The following FOXK2 variants were observed in gnomAD, a reference collection of about 807,000 sequenced individuals.
FOXK2 encodes the protein forkhead box K2.
A neutral mutation model predicts 53.3 loss-of-function variants in FOXK2; 24 were observed. The observed-to-expected ratio is 0.45, with a 90% CI of 0.33 to 0.63. The LOEUF (loss-of-function observed/expected upper bound fraction) is 0.63, where lower values mean the gene tolerates loss of function less well. FOXK2 is among the 30% of genes least tolerant of loss of function. FOXK2 has a pLI of 0.03. For missense variants in FOXK2, 952 were observed against 910.5 expected, an observed-to-expected ratio of 1.05 and a Z score of -0.59; for synonymous variants, 505 against 407.1, an observed-to-expected ratio of 1.24 and a Z score of -2.89.
At chr17:82,540,330 AT>A (rs1285494467) in intron 1 of FOXK2, among the ~76,000 whole-genome samples, 1 of 151,770 alleles carries the variant, frequency 6.6e-6, no homozygotes, top group Non-Finnish European at 1.5e-5. Flanking sequence ...CGCTTGAATG[AT>A]TTGGAGAATT....
chr17:82,526,807 G>A (rs1330852291), intron 1 of FOXK2, among the ~76,000 whole-genome samples: 2 of 151,188 alleles, frequency 1.3e-5, no homozygotes, highest in East Asian at 3.9e-4. Flanking sequence ...CTCCAACCTG[G>A]GCGACAGAGC....
At chr17:82,599,685 G>A (rs1466915952) in intron 8 of FOXK2, 2 of 152,274 alleles carry the variant, frequency 1.3e-5, no homozygotes, top group African/African-American at 4.8e-5. Flanking sequence ...TGGCCATGAG[G>A]AGCTGACCAC....
chr17:82,519,999 G>A lies in FOXK2; in HGVS notation c.111G>A (p.Val37=). Residue 37 remains valine (V), a synonymous_variant, in exon 1 of 9, where the codon GTG becomes GTA. Coordinates refer to ENST00000335255, the MANE Select transcript of FOXK2 (RefSeq NM_004514.4). The part of the protein sequence containing the change: ...GGGSPPGGWA[V]ARLEGREFEY... ...GGTCCCCGCCGGGCGGCTGGGCCGT[G>A]GCGCGCCTGGAGGGCCGCGAGTTCG... 6.9e-7 allele frequency: 1 copy of A among 1,444,196 alleles called. No homozygotes were observed. Among genetic ancestry groups the A allele is most frequent in the Non-Finnish European group, 9.2e-7 (1 of 1,092,676 alleles). The allele number at this position is 1,444,196 out of a possible 1,614,324, so 89.5% of individuals were successfully genotyped here.
Position 82,586,167 on chromosome 17 carries a change from G to T in FOXK2, c.1543G>T (p.Ala515Ser), listed in dbSNP as rs1266743612. The part of the protein sequence containing the change: ...AAVLAPPKAE[A>S]QENGDHREVK... ...CGTGCTGGCCCCTCCTAAGGCAGAG[G>T]CCCAGGAGAATGGAGACCACAGGGA... The change falls in exon 7 of 9, where the codon GCC (alanine) becomes TCC (serine). Residue 515 changes from alanine (A) to serine (S), a missense_variant. By Grantham distance (99) the Ala-to-Ser change is moderately conservative. Transcript: ENST00000335255. 8.7e-6 allele frequency: 14 copies of T among 1,611,476 alleles called. No individual in the cohort carries two copies. Among genetic ancestry groups the T allele is most frequent in the Non-Finnish European group, 1.2e-5 (14 of 1,179,458 alleles).
Position 82,573,562 on chromosome 17 carries a change from T to TCTCTCTCA in FOXK2, c.909+1693_909+1694insTCTCTCAC, listed in dbSNP as rs1185597025. ...CTCTCTCTCTCTCTCTCTCTCTCTC[T>TCTCTCTCA]CACACACACACACACACACACACAC... is the stretch of plus-strand genomic sequence containing the variant. On this transcript the variant is annotated intron_variant, in intron 4 of 8. Transcript: ENST00000335255. Among the ~76,000 whole-genome samples, 4 of 83,316 alleles carry TCTCTCTCA rather than the reference T, an allele frequency of 4.8e-5. No individual in the cohort carries two copies. The East Asian group carries it at 1.2e-3, about 25-fold the overall frequency. 54.7% of individuals were successfully genotyped at this position (83,316 alleles called of 152,430 possible).
intron 1 of FOXK2, among the ~76,000 whole-genome samples, chr17:82,560,037 G>A (rs1200561793): frequency 6.1e-5 from 8 of 131,002 alleles, no homozygotes; most frequent in African/African-American, 1.5e-4. Context: ...ATGGAGTCTC[G>A]CTCTGTCGCC....
intron 1 of FOXK2, among the ~76,000 whole-genome samples, chr17:82,555,994 G>A (rs962132055): frequency 1.3e-5 from 2 of 149,376 alleles, no homozygotes; most frequent in Non-Finnish European, 3.0e-5. Flanking sequence ...TCCACATTTT[G>A]CTCATTTCTA....
intron 8 of FOXK2, among the ~76,000 whole-genome samples, chr17:82,592,896 C>CCGGG (rs778109217): frequency 1.3e-5 from 2 of 151,224 alleles, no homozygotes; most frequent in South Asian, 4.2e-4. Context: ...TCTCCCTGTG[C>CCGGG]CGGGCACAGG....
In FOXK2 at chr17:82,587,468, G is replaced by A. The variant is rs2045200140; in HGVS notation, c.1786+196G>A. The A allele has an allele frequency of 6.6e-6, 4 of 602,980 alleles. No individual in the cohort carries two copies. The Admixed American group carries it at 8.4e-5, about 13-fold the overall frequency. 37.4% of individuals were successfully genotyped at this position (602,980 alleles called of 1,614,324 possible). On this transcript the variant is annotated intron_variant, in intron 8 of 8. Transcript: ENST00000335255. ...GGCCGTCATGGGATTCCCGTGGGAG[G>A]ACCTGCCTGAAAAGAGATGAGAGTT...
At chr17:82,598,836 C>T (rs971039491) in intron 8 of FOXK2, 6 of 152,364 alleles carry the variant, frequency 3.9e-5, no homozygotes, top group African/African-American at 1.2e-4. Flanking sequence ...GGCTGTGACT[C>T]GCATCTGGGT....
chr17:82,551,869 C>T (rs2044680035), intron 1 of FOXK2, among the ~76,000 whole-genome samples: 1 of 152,144 alleles, frequency 6.6e-6, no homozygotes, highest in South Asian at 2.1e-4. Flanking sequence ...CCACTCAGAC[C>T]TCCTCCAAGG....
intron 4 of FOXK2, among the ~76,000 whole-genome samples, chr17:82,579,084 G>A (rs1200560375): frequency 6.6e-6 from 1 of 152,180 alleles, no homozygotes; most frequent in Non-Finnish European, 1.5e-5. Flanking sequence ...AGGAGGACTG[G>A]TCCTGGTAGA....
At chr17:82,572,971 G>A (rs974186083) in intron 4 of FOXK2, among the ~76,000 whole-genome samples, 4 of 152,026 alleles carry the variant, frequency 2.6e-5, no homozygotes, top group African/African-American at 4.8e-5. Flanking sequence ...CAGGTGGATC[G>A]CGTGACTCTA....
intron 4 of FOXK2, among the ~76,000 whole-genome samples, chr17:82,576,411 A>C (rs2044986764): frequency 6.6e-6 from 1 of 152,230 alleles, no homozygotes; most frequent in East Asian, 1.9e-4. Context: ...TACTACGGTT[A>C]ATGAATACAA....
chr17:82,547,826 C>T (rs537091237), intron 1 of FOXK2, among the ~76,000 whole-genome samples: 3 of 152,306 alleles, frequency 2.0e-5, no homozygotes, highest in East Asian at 3.9e-4. Context: ...TCTGTGCCTC[C>T]CCTCCCGTAG....
chr17:82,556,345 G>A (rs986726938), intron 1 of FOXK2, among the ~76,000 whole-genome samples: 16 of 152,060 alleles, frequency 1.1e-4, no homozygotes, highest in Non-Finnish European at 1.5e-4. Flanking sequence ...TCAGGAGACT[G>A]AGGCAGGAGG....
At chr17:82,594,387 A>G (rs536235449) in intron 8 of FOXK2, among the ~76,000 whole-genome samples, 2 of 151,202 alleles carry the variant, frequency 1.3e-5, no homozygotes, top group Non-Finnish European at 2.9e-5. Flanking sequence ...AGTCCCAGCT[A>G]TTCGGGAGGC....
In FOXK2 at chr17:82,522,767, A is replaced by T. The variant is rs1388442675; in HGVS notation, c.419+2460A>T. On this transcript the variant is annotated intron_variant, in intron 1 of 8. Transcript: ENST00000335255. ...ACATGCTAACATGATAAACATGGAG[A>T]TAAGTTGACCTTTCAGTGAGGGCCA... Among the ~76,000 whole-genome samples the T allele has an allele frequency of 3.3e-5, 5 of 152,104 alleles. No homozygotes were observed. The South Asian group carries it at 6.2e-4, about 19-fold the overall frequency.
intron 1 of FOXK2, among the ~76,000 whole-genome samples, chr17:82,523,053 A>G (rs1170504142): frequency 6.6e-6 from 1 of 152,240 alleles, no homozygotes; most frequent in Non-Finnish European, 1.5e-5. Context: ...TTGGCCTCCC[A>G]AAGTGCTGGG....
Sources: allele counts gnomAD v4.1 joint callset (sites outside exome capture counted in the v4.1 genomes callset), GRCh38; gene constraint gnomAD v4.1.1; transcripts MANE v1.5; gene names NCBI Gene and HGNC (gene_info 2026-07-23, HGNC 2026-07-21).